Variants in TDRD9 observed in about 807,000 individuals in gnomAD.
TDRD9 encodes the protein tudor domain containing 9.
Under a neutral mutation model 172.6 loss-of-function variants are expected in TDRD9, and 124 were observed. That is an observed-to-expected ratio of 0.72 (90% CI 0.62 to 0.83). The LOEUF is 0.83. Among genes scored for constraint, TDRD9 ranks in the 40% least tolerant of loss-of-function variants. TDRD9 has a pLI of 0.00. For missense variants in TDRD9, 1,479 were observed against 1,714.1 expected, an observed-to-expected ratio of 0.86 and a Z score of 2.42; for synonymous variants, 619 against 617.1, an observed-to-expected ratio of 1.00 and a Z score of -0.05.
chr14:104,018,341 A>G (rs1410811883), intron 23 of TDRD9, 149 bp downstream of exon 23: 2 of 579,486 alleles, frequency 3.5e-6, no homozygotes, highest in South Asian at 2.3e-5. Flanking sequence ...GCTTTGGTTT[A>G]TCTTATGGTC....
intron 13 of TDRD9, among the ~76,000 whole-genome samples, chr14:104,001,876 G>A (rs1159293998): frequency 2.0e-5 from 3 of 152,020 alleles, no homozygotes; most frequent in Admixed American, 6.6e-5. Context: ...CAAAGTGCTG[G>A]GATTACAGGC....
At chr14:103,954,908 C>A (rs950740802) in intron 1 of TDRD9, among the ~76,000 whole-genome samples, 1 of 147,646 alleles carries the variant, frequency 6.8e-6, no homozygotes, top group Non-Finnish European at 1.5e-5. Flanking sequence ...GGATTACAGG[C>A]GTGAGCCACT....
chr14:104,014,640 C>A, intron 20 of TDRD9, 85 bp from the exon 21 acceptor site: 2 of 723,808 alleles, frequency 2.8e-6, no homozygotes, highest in Non-Finnish European at 4.9e-6. Context: ...ATACTTTACC[C>A]GTTGTGCACT....
intron 1 of TDRD9, among the ~76,000 whole-genome samples, chr14:103,945,858 C>G (rs1014422412): frequency 6.6e-6 from 1 of 152,058 alleles, no homozygotes; most frequent in Non-Finnish European, 1.5e-5. Flanking sequence ...GCTAAGGAGC[C>G]AGACATAACT....
At chr14:103,943,639 G>A (rs139365734) in intron 1 of TDRD9, among the ~76,000 whole-genome samples, 2 of 151,832 alleles carry the variant, frequency 1.3e-5, no homozygotes, top group Non-Finnish European at 2.9e-5. Context: ...ATGAGCCACT[G>A]CGCTGGCCTG....
chr14:103,930,735 C>T (rs529578492), intron 1 of TDRD9, among the ~76,000 whole-genome samples: 8 of 152,186 alleles, frequency 5.3e-5, no homozygotes, highest in South Asian at 4.2e-4. Flanking sequence ...TCCTGTGGGC[C>T]GCCTCCCCTA....
Position 104,025,817 on chromosome 14 carries a change from C to CA in TDRD9, c.2931+42dup, listed in dbSNP as rs545233199. ...ACAAGTCACTGGAAGGGAAATGAGA[C>CA]AGACAGACGTACAGCAGTTTATCAA... On this transcript the variant is annotated intron_variant, in intron 26 of 35. Coordinates refer to ENST00000409874, the MANE Select transcript of TDRD9 (RefSeq NM_153046.3). 1.3e-4 allele frequency: 184 copies of CA among 1,468,738 alleles called. 2 individuals are homozygous for CA. In the African/African-American group the frequency reaches 2.4e-3, roughly 19 times the overall value. 91.0% of individuals were successfully genotyped at this position (1,468,738 alleles called of 1,614,324 possible).
At chr14:103,941,382 A>G in intron 1 of TDRD9, 1 of 1,517,544 alleles carries the variant, frequency 6.6e-7, no homozygotes, top group Non-Finnish European at 8.8e-7. Context: ...TCATAAGAGA[A>G]CATAGTATTT....
At chr14:104,041,763 A>G (rs536730769) in intron 33 of TDRD9, among the ~76,000 whole-genome samples, 1 of 152,310 alleles carries the variant, frequency 6.6e-6, no homozygotes, top group East Asian at 1.9e-4. Flanking sequence ...TAGTACCACT[A>G]TTTTAGAAGA....
chr14:104,001,253 A>G (rs1398091931), intron 13 of TDRD9, among the ~76,000 whole-genome samples: 2 of 152,312 alleles, frequency 1.3e-5, no homozygotes, highest in South Asian at 2.1e-4. Context: ...CTGTCTGTCA[A>G]CTGGTGACCC....
chr14:104,023,440 A>G lies in TDRD9; in HGVS notation c.2606+1110A>G, dbSNP rs186005531. On this transcript the variant is annotated intron_variant, in intron 24 of 35. Coordinates refer to ENST00000409874, the MANE Select transcript of TDRD9 (RefSeq NM_153046.3). ...TGCAGCTGGGAGCACCTAGTTGCTT[A>G]CCAGTGTAAGCTGCCCTTCCTTGCC... 1.8e-4 allele frequency among the ~76,000 whole-genome samples: 28 copies of G among 152,340 alleles called. 1 individual carries two copies. The highest frequency in any genetic ancestry group is 1.8e-3 in the Admixed American group (28 of 15,304).
intron 1 of TDRD9, among the ~76,000 whole-genome samples, chr14:103,937,633 G>C (rs2030855206): frequency 6.6e-6 from 1 of 152,178 alleles, no homozygotes; most frequent in Non-Finnish European, 1.5e-5. Flanking sequence ...CATCCCAAGG[G>C]GGGACCAGAA....
In TDRD9 at chr14:104,024,772, A is replaced by G. The variant is rs2035064840; in HGVS notation, c.2718+92A>G. On this transcript the variant is annotated intron_variant, in intron 25 of 35. Transcript: ENST00000409874. ...TTTACACACACACACACACACACAC[A>G]CACACACACACACACACAGAACTTG... 7.6e-6 allele frequency: 4 copies of G among 527,688 alleles called. No individual in the cohort carries two copies. The Admixed American group carries it at 1.3e-4, about 18-fold the overall frequency. The allele number at this position is 527,688 out of a possible 1,614,324, so 32.7% of individuals were successfully genotyped here. A position where few individuals can be genotyped will look rare whatever the true frequency, so the allele number is the denominator to read the frequency against.
Position 104,052,071 on chromosome 14 carries a change from C to T in TDRD9, c.4138C>T (p.Leu1380Phe). The change falls in exon 36 of 36, where the codon CTC becomes TTC. Residue 1380 changes from leucine to phenylalanine, a missense_variant. Leu to Phe is a conservative substitution (Grantham distance 22). Transcript: ENST00000409874. The part of the protein sequence containing the change: ...FLYQLHKLVV[L>F]GT Reference sequence around the variant, plus strand: ...CTACCAGCTCCACAAACTGGTTGTGCTCGGCACCTGAGCATGTCCACAGGT... The same window carrying T: ...CTACCAGCTCCACAAACTGGTTGTGTTCGGCACCTGAGCATGTCCACAGGT... 1 of 1,573,690 alleles carries T rather than the reference C, an allele frequency of 6.4e-7. No individual in the cohort carries two copies. Among genetic ancestry groups the T allele is most frequent in the Non-Finnish European group, 8.6e-7 (1 of 1,158,888 alleles).
intron 1 of TDRD9, chr14:103,941,798 C>T (rs1005993414): frequency 4.6e-6 from 4 of 878,878 alleles, no homozygotes; most frequent in East Asian, 5.4e-5. Flanking sequence ...GAAAAGTGCA[C>T]GATTTTTTTT....
intron 9 of TDRD9, 77 bp downstream of exon 9, chr14:103,991,301 T>C: frequency 7.0e-7 from 1 of 1,438,416 alleles, no homozygotes; most frequent in Non-Finnish European, 9.7e-7. Flanking sequence ...ACACAGATTA[T>C]GAAAGATGGT....
chr14:103,938,772 C>G (rs1305066048), intron 1 of TDRD9, among the ~76,000 whole-genome samples: 1 of 151,962 alleles, frequency 6.6e-6, no homozygotes, highest in African/African-American at 2.4e-5. Flanking sequence ...CCTTTGCCAG[C>G]TTTAGGTATT....
At chr14:103,951,349 G>T (rs1030627804) in intron 1 of TDRD9, among the ~76,000 whole-genome samples, 2 of 152,146 alleles carry the variant, frequency 1.3e-5, no homozygotes, top group African/African-American at 4.8e-5. Flanking sequence ...TAATGTATTT[G>T]TTGCTTCCCT....
chr14:104,010,752 C>T (rs1393667995), intron 20 of TDRD9, among the ~76,000 whole-genome samples: 1 of 152,172 alleles, frequency 6.6e-6, no homozygotes, highest in Non-Finnish European at 1.5e-5. Flanking sequence ...TTCAGGACCC[C>T]TGTATACCAA....
Sources: allele counts gnomAD v4.1 joint callset (sites outside exome capture counted in the v4.1 genomes callset), GRCh38; gene constraint gnomAD v4.1.1; transcripts MANE v1.5; gene names NCBI Gene and HGNC (gene_info 2026-07-23, HGNC 2026-07-21).